AXIN1: variants seen among roughly 807,000 people sequenced by gnomAD.
The protein encoded by AXIN1 is axin-1.
A neutral mutation model predicts 76.4 loss-of-function variants in AXIN1; 30 were observed. That is an observed-to-expected ratio of 0.39 (90% confidence interval 0.29 to 0.53). The LOEUF is 0.53. Ranked by LOEUF, AXIN1 falls within the 20% of genes least tolerant of loss-of-function variation. The pLI is 0.66. For missense variants in AXIN1, 1,140 were observed against 1,198.8 expected (o/e 0.95, Z 0.72); for synonymous variants, 545 against 501.4 (o/e 1.09, Z -1.16).
chr16:302,754 C>T (rs1485743132), intron 5 of AXIN1, among the ~76,000 whole-genome samples: 3 of 152,186 alleles, frequency 2.0e-5, no homozygotes, highest in African/African-American at 4.8e-5. Context: ...TGAATGGAAA[C>T]GCTCAGAAGT....
At position 346,364 on chromosome 16, in the gene AXIN1, C is replaced by T. The variant is rs1448250803; in HGVS notation, c.662G>A (p.Cys221Tyr). 9.9e-6 allele frequency: 16 copies of T among 1,614,106 alleles called. No individual in the cohort carries two copies. The highest frequency in any genetic ancestry group is 1.3e-5 in the Non-Finnish European group (15 of 1,180,048). ...TRTGSESPKVCSDQSSGSGTG... is the reference protein window; with the variant it reads ...TRTGSESPKVYSDQSSGSGTG... ...CCCTGACCCAGAGCTCTGGTCACTA[C>T]AGACTTTGGGGCTCTCCGAGCCTGT... Residue 221 changes from cysteine (C) to tyrosine (Y), a missense_variant, in exon 2 of 11, where the codon TGT becomes TAT. Cys to Tyr is a radical substitution (Grantham distance 194, BLOSUM62 -2). Transcript: ENST00000262320.
intron 4 of AXIN1, 121 bp from the exon 5 acceptor site, chr16:304,562 T>G (rs2052966933): frequency 6.9e-7 from 1 of 1,444,508 alleles, no homozygotes. Flanking sequence ...TGAGACAAAC[T>G]CTTGCTCTGT....
intron 4 of AXIN1, among the ~76,000 whole-genome samples, chr16:307,399 C>A (rs947410190): frequency 1.3e-5 from 2 of 152,186 alleles, no homozygotes; most frequent in African/African-American, 4.8e-5. Flanking sequence ...AAGGAAAAAG[C>A]CAAGTAAATG....
intron 8 of AXIN1, chr16:292,009 C>T (rs914478055): frequency 6.4e-6 from 1 of 155,246 alleles, no homozygotes; most frequent in African/African-American, 2.4e-5. Context: ...TGTCTCAGAA[C>T]GGCGGGAGTG....
Position 346,757 on chromosome 16 carries a change from T to C in AXIN1, c.269A>G (p.His90Arg), listed in dbSNP as rs985457613. 4.4e-6 allele frequency: 7 copies of C among 1,605,312 alleles called. No homozygotes were observed. Among genetic ancestry groups the C allele is most frequent in the African/African-American group, 4.0e-5 (3 of 74,766 alleles). The change falls in exon 2 of 11, where the codon CAT becomes CGT. Residue 90 changes from histidine (H) to arginine (R), a missense_variant. Physicochemically the swap from His to Arg is conservative, Grantham distance 29 (BLOSUM62 0). Transcript: ENST00000262320. ...PPYLKWAESL[H>R]SLLDDQDGIS... is the part of the protein sequence containing the mutation. ...CCCATCTTGGTCATCCAGCAGGGAA[T>C]GCAGTGACTCAGCCCACTTCAAGTA... is the stretch of plus-strand genomic sequence containing the variant.
At position 293,488 on chromosome 16, in the gene AXIN1, C is replaced by G. The variant is rs759633927; in HGVS notation, c.2186G>C (p.Arg729Thr). ...KRASRAPSKQRYVQEVMRRGR... is the reference protein window; with the variant it reads ...KRASRAPSKQTYVQEVMRRGR... ...ACCCCACCCCACGACGCGGCCGTAC[C>G]TCTGCTTGGAGGGTGCTCGGCTGGC... Residue 729 changes from arginine to threonine, a missense_variant and splice_region_variant, in exon 8 of 11, where the codon AGG becomes ACG. Coordinates refer to ENST00000262320, the MANE Select transcript of AXIN1 (RefSeq NM_003502.4). This position sits in a 1 kb window ranked among gnomAD's most constrained non-coding sequence, Gnocchi z 4.6. 2 of 1,608,960 alleles carry G rather than the reference C, an allele frequency of 1.2e-6. No homozygotes were observed. Among genetic ancestry groups the G allele is most frequent in the Non-Finnish European group, 1.7e-6 (2 of 1,179,876 alleles).
At position 289,489 on chromosome 16, in the gene AXIN1, C is replaced by A. The variant is rs2052490452; in HGVS notation, c.2413G>T (p.Val805Phe). 6.2e-7 allele frequency: 1 copy of A among 1,612,860 alleles called. No individual in the cohort carries two copies. The highest frequency in any genetic ancestry group is 8.5e-7 in the Non-Finnish European group (1 of 1,180,034). Residue 805 changes from valine to phenylalanine, a missense_variant, in exon 10 of 11, where the codon GTC (valine) becomes TTC (phenylalanine). Physicochemically the swap from Val to Phe is conservative, Grantham distance 50. Transcript: ENST00000262320. ...AGCTCCTTGAACTGGCCCAGGGTGA[C>A]AGCGCGGCCCCTCACCAGGGTGCGG... Reference protein sequence around the residue: ...PYRTLVRGRAVTLGQFKELLT... With the variant: ...PYRTLVRGRAFTLGQFKELLT...
At chr16:323,776 C>CCACA (rs10673343) in intron 2 of AXIN1, among the ~76,000 whole-genome samples, 27,519 of 148,222 alleles carry the variant, frequency 0.19, 2,764 homozygotes, top group African/African-American at 0.26. Context: ...TGAGACTCCA[C>CCACA]CACACACACA....
At chr16:327,820 C>G (rs1363175666) in intron 2 of AXIN1, among the ~76,000 whole-genome samples, 1 of 152,226 alleles carries the variant, frequency 6.6e-6, no homozygotes, top group Non-Finnish European at 1.5e-5. Context: ...TGAGGCCAGG[C>G]ACATGATGCA....
At chr16:331,906 C>T (rs1377385898) in intron 2 of AXIN1, among the ~76,000 whole-genome samples, 2 of 152,204 alleles carry the variant, frequency 1.3e-5, no homozygotes, top group Admixed American at 1.3e-4. Context: ...CTCGCTGAGC[C>T]CCTGCTCAAA....
intron 4 of AXIN1, among the ~76,000 whole-genome samples, chr16:306,607 G>C (rs913956092): frequency 6.6e-5 from 10 of 152,224 alleles, no homozygotes; most frequent in Admixed American, 6.5e-4. Context: ...ACTGGACACA[G>C]GGGCCACACA....
Position 340,186 on chromosome 16 carries a change from G to A in AXIN1, c.878+5962C>T, listed in dbSNP as rs1039392632. Among the ~76,000 whole-genome samples, 3 of 152,058 alleles carry A rather than the reference G, an allele frequency of 2.0e-5. No homozygotes were observed. The East Asian group carries it at 5.8e-4, about 29-fold the overall frequency. On this transcript the variant is annotated intron_variant, in intron 2 of 10. Coordinates refer to ENST00000262320, the MANE Select transcript of AXIN1 (RefSeq NM_003502.4). ...ACGGCAAGGGCTGGCTGCCCACCTC[G>A]AAAGGACCCACCGGTCCTCTGAGCA...
At chr16:327,141 CA>C (rs888360786) in intron 2 of AXIN1, among the ~76,000 whole-genome samples, 50 of 141,874 alleles carry the variant, frequency 3.5e-4, no homozygotes, top group Admixed American at 4.9e-4. Flanking sequence ...GGCTCCGTCT[CA>C]AAAAAAAAAA....
intron 4 of AXIN1, among the ~76,000 whole-genome samples, chr16:308,699 T>C (rs1049054785): frequency 8.5e-5 from 13 of 152,316 alleles, no homozygotes; most frequent in African/African-American, 2.2e-4. Context: ...CCTTGGGCCA[T>C]GCCTGGCAGG....
intron 2 of AXIN1, among the ~76,000 whole-genome samples, chr16:337,149 CAAAAAAAAAAA>C (rs398028563): frequency 1.7e-3 from 52 of 30,586 alleles, no homozygotes; most frequent in Non-Finnish European, 2.5e-3. Context: ...GACCCCGTCT[CAAAAAAAAAAA>C]AAAAAAAAAA....
chr16:311,578 T>C (rs2053180497), intron 3 of AXIN1, among the ~76,000 whole-genome samples: 2 of 151,462 alleles, frequency 1.3e-5, no homozygotes, highest in Admixed American at 1.3e-4. Flanking sequence ...GAGACCATCC[T>C]GGCTAACACG....
chr16:342,909 G>T (rs2053958105), intron 2 of AXIN1, among the ~76,000 whole-genome samples: 1 of 152,248 alleles, frequency 6.6e-6, no homozygotes, highest in Admixed American at 6.5e-5. Context: ...GCTCAGGTGG[G>T]TGGGTTTCCA....
intron 9 of AXIN1, 152 bp from the exon 10 acceptor site, chr16:289,759 C>G (rs1453081758): frequency 1.1e-6 from 1 of 916,412 alleles, no homozygotes; most frequent in Non-Finnish European, 1.7e-6. Context: ...AGCCCCCGCA[C>G]AGCATCTCAA....
rs34322902 is a variant in AXIN1, at chr16:339,347, C to CAA, written c.878+6799_878+6800dup. Among the ~76,000 whole-genome samples, 155 of 128,132 alleles carry CAA rather than the reference C, an allele frequency of 1.2e-3. No homozygotes were observed. The East Asian group carries it at 0.023, about 19-fold the overall frequency. The allele number at this position is 128,132 out of a possible 152,430, so 84.1% of individuals were successfully genotyped here. On this transcript the variant is annotated intron_variant, in intron 2 of 10. Transcript: ENST00000262320. The stretch of plus-strand genomic sequence containing the variant: ...TGAAACCCCGTCTCTACTAAAAATA[C>CAA]AAAAAAAAAAAAAATTAGCCGGGCG...
Sources: allele counts gnomAD v4.1 joint callset (sites outside exome capture counted in the v4.1 genomes callset), GRCh38; gene constraint gnomAD v4.1.1; non-coding constraint Gnocchi (gnomAD v3.1); transcripts MANE v1.5; gene names NCBI Gene and HGNC (gene_info 2026-07-23, HGNC 2026-07-21).